The following SCOC variants were observed in gnomAD, a reference collection of about 807,000 sequenced individuals.
SCOC encodes the protein short coiled coil protein.
SCOC carries 7 observed loss-of-function variants against 9.9 expected under a neutral mutation model. The observed-to-expected ratio is 0.71, with a 90% CI of 0.40 to 1.33. SCOC has a LOEUF of 1.33. Among genes scored for constraint, SCOC ranks in the 40% most tolerant of loss-of-function variants. SCOC has a pLI of 0.01. For synonymous variants in SCOC, 19 were observed against 28.2 expected (o/e 0.67, Z 1.03); for missense variants, 66 against 89.7 (o/e 0.74, Z 1.07).
chr4:140,340,744 T>C (rs1726481120), upstream of SCOC, among the ~76,000 whole-genome samples: 1 of 150,592 alleles, frequency 6.6e-6, no homozygotes, highest in African/African-American at 2.4e-5. Context: ...ATTATAACTT[T>C]TGCTCAGTGA....
At chr4:140,379,484 A>G in intron 2 of SCOC, 85 bp from the exon 3 acceptor site, 1 of 996,078 alleles carries the variant, frequency 1.0e-6, no homozygotes, top group Non-Finnish European at 1.6e-6. Flanking sequence ...GAATGAATAT[A>G]AAACATTTTG....
chr4:140,382,124 A>G lies in SCOC; in HGVS notation c.*1020A>G, dbSNP rs1006647122. ...CAAAATTCCGTAATGGTGTATTAGTATTAGAATAGTGAATAAAATGGGAAA... is the reference window on the plus strand; with the variant it reads ...CAAAATTCCGTAATGGTGTATTAGTGTTAGAATAGTGAATAAAATGGGAAA... On this transcript the variant is annotated 3_prime_UTR_variant, in exon 4 of 4. Transcript: ENST00000608372. 44 of 152,326 alleles carry G rather than the reference A, an allele frequency of 2.9e-4. No homozygotes were observed. The highest frequency in any genetic ancestry group is 8.4e-4 in the African/African-American group (35 of 41,572). The allele number at this position is 152,326 out of a possible 1,614,324, so 9.4% of individuals were successfully genotyped here. A position where few individuals can be genotyped will look rare whatever the true frequency, so the allele number is the denominator to read the frequency against.
intron 1 of SCOC, chr4:140,374,393 A>C (rs902413555): frequency 1.3e-5 from 4 of 315,938 alleles, no homozygotes; most frequent in African/African-American, 9.1e-5. Flanking sequence ...CCAGGTTGCC[A>C]ACACGTTTTC....
At chr4:140,285,281 A>T (rs1271264928) in intron 1 of SCOC, 1 of 456,756 alleles carries the variant, frequency 2.2e-6, no homozygotes, top group Admixed American at 2.3e-5. Context: ...TAAGGAGCCA[A>T]AAGAGAGAAG....
intron 2 of SCOC, among the ~76,000 whole-genome samples, chr4:140,351,131 A>G (rs930893240): frequency 6.6e-6 from 1 of 151,854 alleles, no homozygotes. Flanking sequence ...TAGAGGTTGC[A>G]GTGAGCCGAG....
chr4:140,260,482 G>C (rs915295587), intron 1 of SCOC, among the ~76,000 whole-genome samples: 7 of 152,166 alleles, frequency 4.6e-5, no homozygotes, highest in African/African-American at 1.7e-4. Context: ...TCCTGGCTCT[G>C]AGTCATCAGA....
intron 1 of SCOC, among the ~76,000 whole-genome samples, chr4:140,324,282 C>T (rs1227242009): frequency 2.0e-5 from 3 of 152,060 alleles, no homozygotes; most frequent in Non-Finnish European, 2.9e-5. Context: ...TTTTACCCTC[C>T]AAAACTGGGA....
At chr4:140,369,898 G>T (rs1312736007), upstream of SCOC, among the ~76,000 whole-genome samples, 4 of 53,634 alleles carry the variant, frequency 7.5e-5, no homozygotes, top group South Asian at 7.5e-4. Flanking sequence ...TTTTTTTTTA[G>T]ATGGAGTTTC....
intron 1 of SCOC, chr4:140,374,032 C>CAAA (rs1306633921): frequency 9.2e-6 from 5 of 545,706 alleles, no homozygotes; most frequent in Non-Finnish European, 1.8e-5. Flanking sequence ...AGCCGCTTTG[C>CAAA]AGCTCTCGGC....
At chr4:140,283,227 T>G (rs1275087436) in intron 1 of SCOC, among the ~76,000 whole-genome samples, 1 of 152,162 alleles carries the variant, frequency 6.6e-6, no homozygotes, top group Non-Finnish European at 1.5e-5. Context: ...AAGGCCAAAT[T>G]TTCTATACCT....
intron 1 of SCOC, chr4:140,285,228 C>T (rs866298448): frequency 2.2e-6 from 1 of 456,622 alleles, no homozygotes; most frequent in Non-Finnish European, 4.4e-6. Flanking sequence ...TCCTCTGCCT[C>T]CCTGCAATCG....
At chr4:140,320,714 C>G (rs964517950) in intron 1 of SCOC, among the ~76,000 whole-genome samples, 1 of 152,160 alleles carries the variant, frequency 6.6e-6, no homozygotes, top group African/African-American at 2.4e-5. Context: ...CTGATACATT[C>G]CCTTCATCTT....
At chr4:140,312,615 G>A (rs745434429) in intron 1 of SCOC, among the ~76,000 whole-genome samples, 3 of 152,044 alleles carry the variant, frequency 2.0e-5, no homozygotes, top group African/African-American at 4.8e-5. Flanking sequence ...TATTTTTGTA[G>A]AGCTGGGGTC....
At chr4:140,314,480 T>C (rs1335961781) in intron 1 of SCOC, 1 of 152,532 alleles carries the variant, frequency 6.6e-6, no homozygotes, top group African/African-American at 2.4e-5. Flanking sequence ...TCCAGAGATA[T>C]GTCGTATTCA....
chr4:140,336,067 A>C (rs781714001), intron 1 of SCOC, among the ~76,000 whole-genome samples: 1 of 152,132 alleles, frequency 6.6e-6, no homozygotes. Flanking sequence ...TCTATGATAC[A>C]TGGTACACTA....
chr4:140,266,613 G>C (rs754933087), intron 1 of SCOC, among the ~76,000 whole-genome samples: 3 of 152,088 alleles, frequency 2.0e-5, no homozygotes, highest in Non-Finnish European at 4.4e-5. Context: ...ATGGGGATGG[G>C]GCCTGAGTTC....
chr4:140,310,681 G>A (rs1365503229), intron 1 of SCOC, among the ~76,000 whole-genome samples: 1 of 152,206 alleles, frequency 6.6e-6, no homozygotes, highest in African/African-American at 2.4e-5. Flanking sequence ...ACTTTTCCCT[G>A]AGGGACTAGT....
intron 1 of SCOC, chr4:140,293,352 G>A (rs1488585673): frequency 1.5e-5 from 7 of 456,866 alleles, no homozygotes; most frequent in South Asian, 1.1e-4. Flanking sequence ...CGTCACTCCT[G>A]GTGTGTCTTG....
chr4:140,291,560 A>G (rs1396661915), intron 1 of SCOC: 2 of 454,352 alleles, frequency 4.4e-6, no homozygotes, highest in South Asian at 1.6e-5. Flanking sequence ...AGTGAGTTTG[A>G]AAAGCAACAG....
Sources: gnomAD v4.1 joint callset for allele counts (sites outside exome capture counted in the v4.1 genomes callset) on GRCh38, gnomAD v4.1.1 for gene constraint, MANE v1.5 for transcripts, NCBI Gene and HGNC (gene_info 2026-07-23, HGNC 2026-07-21) for gene names.